Variants in UBE2E2 observed in about 807,000 individuals in gnomAD.
UBE2E2 encodes the protein ubiquitin-conjugating enzyme E2 E2.
In UBE2E2, 6 loss-of-function variants were observed where a neutral mutation model predicts 24.7. The observed-to-expected ratio is 0.24, with a 90% CI of 0.13 to 0.48. The LOEUF (loss-of-function observed/expected upper bound fraction) is 0.48. Ranked by LOEUF, UBE2E2 falls within the 20% of genes least tolerant of loss-of-function variation. UBE2E2 has a pLI of 0.99. For missense variants in UBE2E2, 169 were observed against 245.0 expected, an observed-to-expected ratio of 0.69 and a Z score of 2.07; for synonymous variants, 104 against 83.6, an observed-to-expected ratio of 1.24 and a Z score of -1.33.
chr3:23,456,304 C>T (rs187207169), intron 3 of UBE2E2, among the ~76,000 whole-genome samples: 11 of 152,332 alleles, frequency 7.2e-5, no homozygotes, highest in Admixed American at 4.6e-4. Context: ...CTATCAAGCT[C>T]CTATCAACTT....
intron 4 of UBE2E2, among the ~76,000 whole-genome samples, chr3:23,520,145 G>A (rs1339986821): frequency 1.3e-5 from 2 of 150,968 alleles, no homozygotes; most frequent in Non-Finnish European, 3.0e-5. Context: ...AACTTTGAGG[G>A]TGTGGGGTTT....
At chr3:23,361,798 C>T (rs771112775) in intron 3 of UBE2E2, among the ~76,000 whole-genome samples, 1 of 140,144 alleles carries the variant, frequency 7.1e-6, no homozygotes, top group Non-Finnish European at 1.5e-5. Context: ...TACTTGCATC[C>T]CCAAAAACTA....
intron 3 of UBE2E2, among the ~76,000 whole-genome samples, chr3:23,419,153 T>A (rs1257361584): frequency 6.6e-6 from 1 of 152,054 alleles, no homozygotes; most frequent in Non-Finnish European, 1.5e-5. Context: ...TTTGTAGATG[T>A]GAGGTTTTGC....
At chr3:23,402,001 C>T (rs1202943535) in intron 3 of UBE2E2, among the ~76,000 whole-genome samples, 2 of 151,922 alleles carry the variant, frequency 1.3e-5, no homozygotes, top group African/African-American at 4.8e-5. Flanking sequence ...GGATTACAGG[C>T]GTGCACTACC....
intron 2 of UBE2E2, among the ~76,000 whole-genome samples, chr3:23,211,407 CTTT>C (rs3086984): frequency 4.6e-5 from 6 of 131,792 alleles, no homozygotes; most frequent in Admixed American, 1.6e-4. Context: ...GCTCTGTGGT[CTTT>C]TTTTTTTTTT....
intron 3 of UBE2E2, among the ~76,000 whole-genome samples, chr3:23,460,169 G>A (rs575916996): frequency 2.0e-5 from 3 of 152,290 alleles, no homozygotes; most frequent in East Asian, 3.9e-4. Flanking sequence ...GAGCCAATGA[G>A]CTGCCCTCCC....
chr3:23,320,160 C>T (rs1403321696), intron 3 of UBE2E2, among the ~76,000 whole-genome samples: 3 of 152,154 alleles, frequency 2.0e-5, no homozygotes, highest in Non-Finnish European at 4.4e-5. Flanking sequence ...ATCTTTCTCC[C>T]CTTAGTTTCT....
Position 23,217,307 on chromosome 3 carries a change from C to G in UBE2E2, c.222C>G (p.Asn74Lys). ...LAEITLDPPP[N>K]CSAGPKGDNI... is the part of the protein sequence containing the mutation. The stretch of plus-strand genomic sequence containing the variant: ...AAATCACATTGGACCCTCCTCCCAA[C>G]TGTAGGTAAGTACTCATGGTTTTTT... The change falls in exon 3 of 6, where the codon AAC becomes AAG. Residue 74 changes from asparagine (N) to lysine (K), a missense_variant. Asn to Lys is a moderately conservative substitution (Grantham distance 94, BLOSUM62 0). This residue lies in a region of UBE2E2 where 105 missense variants were observed against 180.7 expected (regional missense o/e 0.58). Coordinates refer to ENST00000396703, the MANE Select transcript of UBE2E2 (RefSeq NM_152653.4). 6.2e-7 allele frequency: 1 copy of G among 1,612,696 alleles called. No homozygotes were observed. Among genetic ancestry groups the G allele is most frequent in the Non-Finnish European group, 8.5e-7 (1 of 1,179,036 alleles).
intron 3 of UBE2E2, among the ~76,000 whole-genome samples, chr3:23,248,911 G>A (rs181732229): frequency 1.3e-5 from 2 of 152,260 alleles, no homozygotes; most frequent in East Asian, 1.9e-4. Context: ...ATACTTGACC[G>A]ACTGATTTAA....
At chr3:23,323,128 G>C (rs1694789495) in intron 3 of UBE2E2, among the ~76,000 whole-genome samples, 1 of 152,026 alleles carries the variant, frequency 6.6e-6, no homozygotes, top group African/African-American at 2.4e-5. Context: ...GTTTTGTGCT[G>C]TACTGTTGAT....
intron 3 of UBE2E2, among the ~76,000 whole-genome samples, chr3:23,342,758 CA>C (rs1458009684): frequency 6.6e-6 from 1 of 152,038 alleles, no homozygotes. Flanking sequence ...CTGCGTTGAT[CA>C]GGTGAATTTG....
At chr3:23,403,729 C>T (rs778458) in intron 3 of UBE2E2, among the ~76,000 whole-genome samples, 26,519 of 148,000 alleles carry the variant, frequency 0.18, 2,305 homozygotes, top group South Asian at 0.22. Flanking sequence ...GAGGCTGAGG[C>T]TTGAGAATTG....
Position 23,591,222 on chromosome 3 carries a change from TAC to T in UBE2E2, c.*1392_*1393del, listed in dbSNP as rs1249200775. On this transcript the variant is annotated 3_prime_UTR_variant, in exon 6 of 6. Transcript: ENST00000396703. ...TGTAACAAAGCGTAGTGGAAACTCC[TAC>T]TCCTGCTGCACCATACAGTTACAGA... is the stretch of plus-strand genomic sequence containing the variant. 1 of 152,224 alleles carries T rather than the reference TAC, an allele frequency of 6.6e-6. No homozygotes were observed. The highest frequency in any genetic ancestry group is 2.4e-5 in the African/African-American group (1 of 41,444). 9.4% of individuals were successfully genotyped at this position (152,224 alleles called of 1,614,324 possible).
At chr3:23,350,622 A>G (rs1159351777) in intron 3 of UBE2E2, among the ~76,000 whole-genome samples, 1 of 152,220 alleles carries the variant, frequency 6.6e-6, no homozygotes, top group Non-Finnish European at 1.5e-5. Context: ...GATCAACTGG[A>G]AGAAAGGGTA....
chr3:23,305,736 T>G (rs1469355242), intron 3 of UBE2E2, among the ~76,000 whole-genome samples: 2 of 152,090 alleles, frequency 1.3e-5, no homozygotes, highest in Non-Finnish European at 2.9e-5. Flanking sequence ...TCTTTTTATT[T>G]TTTATTTTTT....
chr3:23,437,343 C>T (rs2125405299), intron 3 of UBE2E2, among the ~76,000 whole-genome samples: 1 of 152,300 alleles, frequency 6.6e-6, no homozygotes, highest in Non-Finnish European at 1.5e-5. Context: ...TAGTAGGTCC[C>T]ATGCCACCCA....
At chr3:23,550,367 A>G (rs1575701170) in intron 5 of UBE2E2, among the ~76,000 whole-genome samples, 4 of 152,312 alleles carry the variant, frequency 2.6e-5, no homozygotes, top group Admixed American at 1.3e-4. Flanking sequence ...GCCTTATTTC[A>G]AGCCCAAGCC....
At chr3:23,423,861 G>T (rs1443043830) in intron 3 of UBE2E2, among the ~76,000 whole-genome samples, 2 of 152,086 alleles carry the variant, frequency 1.3e-5, no homozygotes, top group Non-Finnish European at 2.9e-5. Flanking sequence ...AAGAATGAGG[G>T]CCCTCCCTTA....
At chr3:23,330,940 A>T (rs1289328783) in intron 3 of UBE2E2, among the ~76,000 whole-genome samples, 1 of 152,164 alleles carries the variant, frequency 6.6e-6, no homozygotes, top group African/African-American at 2.4e-5. Flanking sequence ...TGATTCTGTA[A>T]TACCTAGGTA....
Sources: allele counts gnomAD v4.1 joint callset (sites outside exome capture counted in the v4.1 genomes callset), GRCh38; gene constraint gnomAD v4.1.1; regional missense constraint gnomAD v4.1.1; transcripts MANE v1.5; gene names NCBI Gene and HGNC (gene_info 2026-07-23, HGNC 2026-07-21).